The following SLC25A46 variants were observed in gnomAD, a reference collection of about 807,000 sequenced individuals.
SLC25A46 encodes the protein solute carrier family 25 member 46.
Under a neutral mutation model 44.6 loss-of-function variants are expected in SLC25A46, and 39 were observed. The ratio of observed to expected loss-of-function variants is 0.87; its 90% CI spans 0.68 to 1.14. The LOEUF is 1.14. Among genes scored for constraint, SLC25A46 ranks in the 50% most tolerant of loss-of-function variants. The probability of loss-of-function intolerance (pLI) is 0.00; values close to 1 mark genes in which losing one functional copy is unlikely to be tolerated. For synonymous variants in SLC25A46, 202 were observed against 185.8 expected, an observed-to-expected ratio of 1.09 and a Z score of -0.71; for missense variants, 547 against 522.7, an observed-to-expected ratio of 1.05 and a Z score of -0.45.
At position 110,764,940 on chromosome 5, in the gene SLC25A46, A is replaced by G. The variant is rs539247501; in HGVS notation, c.*3158A>G. On this transcript the variant is annotated 3_prime_UTR_variant, in exon 8 of 8. Coordinates refer to ENST00000355943, the MANE Select transcript of SLC25A46 (RefSeq NM_138773.4). ...TCTTTTTCTCATATAAACGGAATGC[A>G]TAATGTCTTACTCTTGAGTCATTTA... 4 of 152,104 alleles carry G rather than the reference A, an allele frequency of 2.6e-5. No individual in the cohort carries two copies. Among genetic ancestry groups the G allele is most frequent in the African/African-American group, 9.6e-5 (4 of 41,562 alleles). 9.4% of individuals were successfully genotyped at this position (152,104 alleles called of 1,614,324 possible).
chr5:110,744,319 G>T (rs538139497), intron 3 of SLC25A46, among the ~76,000 whole-genome samples: 1 of 152,078 alleles, frequency 6.6e-6, no homozygotes. Context: ...TCACTGTGTC[G>T]CAGTTTCTTA....
At chr5:110,760,242 T>C (rs1363869859) in intron 7 of SLC25A46, among the ~76,000 whole-genome samples, 3 of 152,104 alleles carry the variant, frequency 2.0e-5, no homozygotes, top group Non-Finnish European at 4.4e-5. Flanking sequence ...TCCCATAGAC[T>C]TTGATTTTAG....
intron 4 of SLC25A46, 138 bp from the exon 5 acceptor site, chr5:110,748,025 A>T (rs1375435422): frequency 6.9e-6 from 4 of 583,380 alleles, no homozygotes; most frequent in Non-Finnish European, 1.2e-5. Context: ...ATATAAAATT[A>T]ATTGTAGTTC....
At chr5:110,760,765 C>T (rs1336556802) in intron 7 of SLC25A46, among the ~76,000 whole-genome samples, 1 of 152,090 alleles carries the variant, frequency 6.6e-6, no homozygotes, top group Non-Finnish European at 1.5e-5. Flanking sequence ...GTAGACAGTG[C>T]TCATTTCCAT....
chr5:110,741,735 G>A lies in SLC25A46; in HGVS notation c.284-312G>A, dbSNP rs57386896. On this transcript the variant is annotated intron_variant, in intron 1 of 7. Transcript: ENST00000355943. ...AATTGGAAGCTTTTATATAAAATGAGAATATCTTTTTTTGAAAAAATTACA... is the reference window on the plus strand; with the variant it reads ...AATTGGAAGCTTTTATATAAAATGAAAATATCTTTTTTTGAAAAAATTACA... 2,953 of 203,748 alleles carry A rather than the reference G, an allele frequency of 0.014. 112 individuals are homozygous for A. The highest frequency in any genetic ancestry group is 0.065 in the African/African-American group (2,818 of 43,248). 12.6% of individuals were successfully genotyped at this position (203,748 alleles called of 1,614,324 possible).
chr5:110,764,532 A>G lies in SLC25A46; in HGVS notation c.*2750A>G, dbSNP rs1277787524. On this transcript the variant is annotated 3_prime_UTR_variant, in exon 8 of 8. Transcript: ENST00000355943. ...GAACTGGAAAGGTAAGAACTTGCTT[A>G]CTATTGCAGATATACCTGACCACTC... 6.6e-6 allele frequency: 1 copy of G among 151,962 alleles called. No individual in the cohort carries two copies. Among genetic ancestry groups the G allele is most frequent in the Non-Finnish European group, 1.5e-5 (1 of 67,918 alleles). 9.4% of individuals were successfully genotyped at this position (151,962 alleles called of 1,614,324 possible). A position where few individuals can be genotyped will look rare whatever the true frequency, so the allele number is the denominator to read the frequency against.
chr5:110,740,116 C>T (rs564774402), intron 1 of SLC25A46, among the ~76,000 whole-genome samples: 45 of 152,284 alleles, frequency 3.0e-4, no homozygotes, highest in African/African-American at 1.1e-3. Context: ...GGAATCATGA[C>T]ATAATTATTC....
chr5:110,738,914 T>C (rs376922066), upstream of SLC25A46: 35 of 1,357,768 alleles, frequency 2.6e-5, 2 homozygotes, highest in East Asian at 2.1e-4. Context: ...CCGCCGCGTC[T>C]CCCTAGCAAC....
rs1249818016 is a variant in SLC25A46 at position 110,739,109 on chromosome 5, C to T, written c.-11C>T. 2.6e-6 allele frequency: 4 copies of T among 1,544,872 alleles called. No homozygotes were observed. The highest frequency in any genetic ancestry group is 2.4e-5 in the East Asian group (1 of 40,820). The stretch of plus-strand genomic sequence containing the variant: ...CTCCGGGCGGGCTCGCGTCATCCTG[C>T]CCCCGCTGCGATGCATCCGCGGCGC... On this transcript the variant is annotated 5_prime_UTR_variant, in exon 1 of 8. Transcript: ENST00000355943.
intron 5 of SLC25A46, among the ~76,000 whole-genome samples, chr5:110,749,330 TAA>T (rs1022740979): frequency 2.1e-5 from 3 of 140,008 alleles, no homozygotes; most frequent in Non-Finnish European, 1.6e-5. Flanking sequence ...TGGATCAGAG[TAA>T]AAAAAAAAAA....
chr5:110,756,663 T>G (rs768666700), intron 6 of SLC25A46, 39 bp from the exon 7 acceptor site: 1 of 1,394,374 alleles, frequency 7.2e-7, no homozygotes, highest in Non-Finnish European at 9.8e-7. Flanking sequence ...ATAAGCATCT[T>G]GTTTCAGTAT....
At chr5:110,739,846 G>A (rs1026377910) in intron 1 of SLC25A46, among the ~76,000 whole-genome samples, 17 of 152,082 alleles carry the variant, frequency 1.1e-4, no homozygotes, top group African/African-American at 4.1e-4. Flanking sequence ...TGTGCCACTC[G>A]TAATCTGAAC....
intron 4 of SLC25A46, among the ~76,000 whole-genome samples, chr5:110,747,826 G>T (rs1354528474): frequency 1.3e-5 from 2 of 152,112 alleles, no homozygotes; most frequent in Non-Finnish European, 2.9e-5. Context: ...AAGAATTGGT[G>T]TGGTATGAGT....
chr5:110,748,931 A>G (rs1400880275), intron 5 of SLC25A46, among the ~76,000 whole-genome samples: 1 of 152,128 alleles, frequency 6.6e-6, no homozygotes, highest in Non-Finnish European at 1.5e-5. Flanking sequence ...TTTAATATAT[A>G]GATGTTCTGA....
At position 110,761,611 on chromosome 5, in the gene SLC25A46, T is replaced by C; in HGVS notation, c.1086T>C (p.Ile362=). ...NTDLGYEVLP[I]NTQYEGMRDC... ...ACCTTGGCTATGAAGTGCTTCCAAT[T>C]AATACACAATATGAGGGAATGAGAG... Residue 362 remains isoleucine (I), a synonymous_variant, in exon 8 of 8, where the codon ATT becomes ATC. Coordinates refer to ENST00000355943, the MANE Select transcript of SLC25A46 (RefSeq NM_138773.4). This position sits in a 1 kb window ranked among gnomAD's most constrained non-coding sequence, Gnocchi z 5.3. The C allele has an allele frequency of 6.2e-7, 1 of 1,613,722 alleles. No homozygotes were observed. The highest frequency in any genetic ancestry group is 8.5e-7 in the Non-Finnish European group (1 of 1,179,742).
At chr5:110,751,291 G>A (rs993155374) in intron 5 of SLC25A46, among the ~76,000 whole-genome samples, 2 of 152,166 alleles carry the variant, frequency 1.3e-5, no homozygotes, top group Admixed American at 1.3e-4. Flanking sequence ...ATTGCAAATT[G>A]AAATTTGTTT....
At position 110,761,693 on chromosome 5, in the gene SLC25A46, G is replaced by A; in HGVS notation, c.1168G>A (p.Gly390Ser). ...EGVFGFYKGF[G>S]AVIIQYTLHA... is the part of the protein sequence containing the mutation. ...AGTGTTTGGTTTTTATAAAGGGTTT[G>A]GTGCTGTTATAATACAGTACACACT... Residue 390 changes from glycine (G) to serine (S), a missense_variant, in exon 8 of 8, where the codon GGT (glycine) becomes AGT (serine). Gly to Ser is a moderately conservative substitution (Grantham distance 56). Transcript: ENST00000355943. This position sits in a 1 kb window ranked among gnomAD's most constrained non-coding sequence, Gnocchi z 5.3. 6.2e-7 allele frequency: 1 copy of A among 1,613,396 alleles called. No homozygotes were observed. Among genetic ancestry groups the A allele is most frequent in the Non-Finnish European group, 8.5e-7 (1 of 1,179,622 alleles).
In SLC25A46 at chr5:110,762,806, A is replaced by G. The variant is rs1302177438; in HGVS notation, c.*1024A>G. On this transcript the variant is annotated 3_prime_UTR_variant, in exon 8 of 8. Coordinates refer to ENST00000355943, the MANE Select transcript of SLC25A46 (RefSeq NM_138773.4). ...GGAATTTGTGCCTCTTGTCTAGTAT[A>G]TAGTCACCACTAAATAATGGCTTCC... is the stretch of plus-strand genomic sequence containing the variant. 6.6e-6 allele frequency: 1 copy of G among 151,976 alleles called. No individual in the cohort carries two copies. Among genetic ancestry groups the G allele is most frequent in the Non-Finnish European group, 1.5e-5 (1 of 67,914 alleles). The allele number at this position is 151,976 out of a possible 1,614,324, so 9.4% of individuals were successfully genotyped here.
intron 1 of SLC25A46, among the ~76,000 whole-genome samples, chr5:110,740,443 G>T (rs1407556576): frequency 6.6e-6 from 1 of 151,972 alleles, no homozygotes; most frequent in Non-Finnish European, 1.5e-5. Flanking sequence ...GACTCTTCCC[G>T]GTTTAAAGTT....
Sources: gnomAD v4.1 joint callset for allele counts (sites outside exome capture counted in the v4.1 genomes callset) on GRCh38, gnomAD v4.1.1 for gene constraint, Gnocchi (gnomAD v3.1) non-coding constraint, MANE v1.5 for transcripts, NCBI Gene and HGNC (gene_info 2026-07-23, HGNC 2026-07-21) for gene names.